KLRG1: variants seen among roughly 807,000 people sequenced by gnomAD.
KLRG1 encodes killer cell lectin-like receptor subfamily G member 1.
In KLRG1, 16 loss-of-function variants were observed where a neutral mutation model predicts 21.8. The observed-to-expected ratio is 0.73, with a 90% CI of 0.50 to 1.11. The LOEUF is 1.11. Among genes scored for constraint, KLRG1 ranks in the 50% most tolerant of loss-of-function variants. The pLI, the probability that KLRG1 is intolerant of heterozygous loss-of-function variation, is 0.00. For synonymous variants in KLRG1, 69 were observed against 75.9 expected (o/e 0.91, Z 0.47); for missense variants, 173 against 218.3 (o/e 0.79, Z 1.31).
the KLRG1 span, among the ~76,000 whole-genome samples, chr12:9,180,223 C>T: frequency 3.3e-5 from 5 of 151,994 alleles, no homozygotes; most frequent in South Asian, 4.2e-4. Context: ...CATGCTGGTG[C>T]GCAAGGTAAT....
At chr12:9,042,099 T>C in the KLRG1 span, among the ~76,000 whole-genome samples, 5 of 152,174 alleles carry the variant, frequency 3.3e-5, no homozygotes, top group African/African-American at 1.2e-4. Flanking sequence ...TGGCAAAAAG[T>C]TTAGCAATGC....
the KLRG1 span, among the ~76,000 whole-genome samples, chr12:9,180,806 T>A: frequency 6.6e-6 from 1 of 152,184 alleles, no homozygotes; most frequent in East Asian, 1.9e-4. Flanking sequence ...AAATGGGATC[T>A]AATTAAACTA....
chr12:9,181,096 C>G, the KLRG1 span: 6 of 1,614,138 alleles, frequency 3.7e-6, no homozygotes, highest in Non-Finnish European at 5.1e-6. Flanking sequence ...GCATGTGAGG[C>G]TGGGGGACTT....
chr12:9,012,839 C>T (rs1382514143), downstream of KLRG1, among the ~76,000 whole-genome samples: 1 of 151,960 alleles, frequency 6.6e-6, no homozygotes, highest in Non-Finnish European at 1.5e-5. Flanking sequence ...CTGAAGAGTC[C>T]TTGGGCCTTG....
the KLRG1 span, among the ~76,000 whole-genome samples, chr12:9,084,294 T>C: frequency 6.6e-6 from 1 of 152,162 alleles, no homozygotes; most frequent in African/African-American, 2.4e-5. Context: ...TTCAAAATAC[T>C]CTATGACTGT....
chr12:9,142,024 A>G, the KLRG1 span, among the ~76,000 whole-genome samples: 2 of 152,196 alleles, frequency 1.3e-5, no homozygotes, highest in African/African-American at 4.8e-5. Context: ...AAATTTTTTC[A>G]TGACTTACAT....
the KLRG1 span, among the ~76,000 whole-genome samples, chr12:9,133,647 G>C: frequency 6.6e-6 from 1 of 152,138 alleles, no homozygotes; most frequent in African/African-American, 2.4e-5. Flanking sequence ...TGCAAAAAGG[G>C]AGAGGGCAAG....
the KLRG1 span, chr12:9,181,239 TG>T: frequency 2.9e-6 from 4 of 1,380,936 alleles, no homozygotes; most frequent in Non-Finnish European, 4.0e-6. Context: ...ATGACTATGT[TG>T]GTAATGTCAG....
the KLRG1 span, among the ~76,000 whole-genome samples, chr12:9,090,781 CG>C: frequency 1.9e-3 from 283 of 152,212 alleles, no homozygotes; most frequent in African/African-American, 6.5e-3. Flanking sequence ...ACCATTCCCC[CG>C]GATCTCCCGG....
At chr12:8,979,209 T>C (rs1471233117) in intron 1 of KLRG1, among the ~76,000 whole-genome samples, 1 of 147,296 alleles carries the variant, frequency 6.8e-6, no homozygotes, top group Non-Finnish European at 1.5e-5. Flanking sequence ...GTAGAGACAG[T>C]GTTTCACCAT....
At chr12:8,985,620 C>A (rs760022534), upstream of KLRG1, among the ~76,000 whole-genome samples, 1 of 152,268 alleles carries the variant, frequency 6.6e-6, no homozygotes, top group Admixed American at 6.5e-5. Flanking sequence ...TTTGCTGGAG[C>A]AGCTCACAGA....
downstream of KLRG1, among the ~76,000 whole-genome samples, chr12:9,013,560 A>G: frequency 6.6e-6 from 1 of 152,198 alleles, no homozygotes; most frequent in East Asian, 1.9e-4. Flanking sequence ...TAGTGGACTC[A>G]CAGTTCCATG....
the KLRG1 span, among the ~76,000 whole-genome samples, chr12:9,134,020 T>G: frequency 2.0e-5 from 3 of 152,156 alleles, no homozygotes; most frequent in Non-Finnish European, 4.4e-5. Flanking sequence ...AGGTAGAGAT[T>G]GTCCTAGGAA....
chr12:9,084,964 A>T, the KLRG1 span, among the ~76,000 whole-genome samples: 2 of 152,182 alleles, frequency 1.3e-5, no homozygotes, highest in Non-Finnish European at 2.9e-5. Context: ...AAAAGGGTCA[A>T]TTCATCAAAA....
At chr12:9,106,460 G>A in the KLRG1 span, 2 of 1,476,668 alleles carry the variant, frequency 1.4e-6, no homozygotes, top group Non-Finnish European at 1.9e-6. Context: ...TGCCTGTTGT[G>A]TTTTCTCTTA....
chr12:9,086,863 G>C, the KLRG1 span, among the ~76,000 whole-genome samples: 1 of 152,304 alleles, frequency 6.6e-6, no homozygotes, highest in East Asian at 1.9e-4. Flanking sequence ...TGTTGGTGAT[G>C]ACATTATCTT....
chr12:9,013,894 C>G (rs1019874632), downstream of KLRG1, among the ~76,000 whole-genome samples: 1 of 151,972 alleles, frequency 6.6e-6, no homozygotes, highest in East Asian at 1.9e-4. Context: ...AAAAACTTAA[C>G]AAAGAGAACA....
At chr12:8,954,213 G>T (rs1261628431) in intron 1 of KLRG1, among the ~76,000 whole-genome samples, 1 of 152,142 alleles carries the variant, frequency 6.6e-6, no homozygotes, top group Non-Finnish European at 1.5e-5. Context: ...GATATCGGTT[G>T]TATGTGGAGT....
the KLRG1 span, among the ~76,000 whole-genome samples, chr12:9,186,079 T>A: frequency 9.9e-5 from 15 of 152,144 alleles, 1 homozygote; most frequent in East Asian, 2.7e-3. Context: ...GTGCTGGGAT[T>A]ACAGGTATGA....
Sources: allele counts gnomAD v4.1 joint callset (sites outside exome capture counted in the v4.1 genomes callset), GRCh38; gene constraint gnomAD v4.1.1; transcripts MANE v1.5; gene names NCBI Gene and HGNC (gene_info 2026-07-23, HGNC 2026-07-21).